The following ZNF469 variants were observed in gnomAD, a reference collection of about 807,000 sequenced individuals.
ZNF469 encodes the protein zinc finger protein 469.
Under a neutral mutation model 1.0 loss-of-function variants are expected in ZNF469, and 1 was observed. The observed-to-expected ratio is 1.00, with a 90% confidence interval of 0.35 to 4.73. The LOEUF (loss-of-function observed/expected upper bound fraction) is 4.73, where lower values mean the gene tolerates loss of function less well. Ranked by LOEUF, ZNF469 falls within the 30% of genes most tolerant of loss-of-function variation. The pLI is 0.16. For missense variants in ZNF469, 6,100 were observed against 5,356.3 expected (o/e 1.14, Z -4.33); for synonymous variants, 2,703 against 2,363.4 (o/e 1.14, Z -4.17).
chr16:88,295,136 CGGGCCCCCAGGACG>C, the ZNF469 span, among the ~76,000 whole-genome samples: 36 of 25,204 alleles, frequency 1.4e-3, 2 homozygotes, highest in African/African-American at 5.7e-3. Flanking sequence ...GACGTCATCT[CGGGCCCCCAGGACG>C]TGGCAGGGCT....
At chr16:88,230,980 A>G in the ZNF469 span, among the ~76,000 whole-genome samples, 1 of 152,206 alleles carries the variant, frequency 6.6e-6, no homozygotes, top group Admixed American at 6.5e-5. Flanking sequence ...GGGACCCAGG[A>G]CACACGGCTG....
At chr16:88,247,604 GTGAGTGAATGTTTGATTGAA>G in the ZNF469 span, among the ~76,000 whole-genome samples, 1 of 139,054 alleles carries the variant, frequency 7.2e-6, no homozygotes, top group Non-Finnish European at 1.5e-5. Flanking sequence ...GAACGAGTGA[GTGAGTGAATGTTTGATTGAA>G]TGAGTGAGAG....
At chr16:88,196,216 G>A in the ZNF469 span, among the ~76,000 whole-genome samples, 1 of 152,178 alleles carries the variant, frequency 6.6e-6, no homozygotes, top group Non-Finnish European at 1.5e-5. Flanking sequence ...TACCTGTCGG[G>A]ACAGCATCTA....
chr16:88,367,056 T>A, the ZNF469 span, among the ~76,000 whole-genome samples: 1 of 152,206 alleles, frequency 6.6e-6, no homozygotes, highest in African/African-American at 2.4e-5. Flanking sequence ...ATCACCATCA[T>A]CATCTTCACT....
chr16:88,288,613 C>T, the ZNF469 span, among the ~76,000 whole-genome samples: 1 of 152,178 alleles, frequency 6.6e-6, no homozygotes, highest in African/African-American at 2.4e-5. Flanking sequence ...CAAAAACAAG[C>T]TCTTCTGCCA....
chr16:88,160,871 G>A, the ZNF469 span, among the ~76,000 whole-genome samples: 2 of 152,206 alleles, frequency 1.3e-5, no homozygotes, highest in African/African-American at 2.4e-5. Flanking sequence ...GGCCAGGTGC[G>A]ATGGCTCACA....
the ZNF469 span, among the ~76,000 whole-genome samples, chr16:88,128,329 G>A: frequency 6.6e-6 from 1 of 152,164 alleles, no homozygotes. Flanking sequence ...CCTCTCCAAG[G>A]ATGGCGTCTC....
the ZNF469 span, among the ~76,000 whole-genome samples, chr16:88,152,504 C>T: frequency 1.2e-4 from 18 of 152,184 alleles, no homozygotes; most frequent in African/African-American, 3.4e-4. The surrounding 1 kb of genome is among the most constrained non-coding windows in gnomAD (Gnocchi z 4.2). Context: ...GTCTGCTTGG[C>T]GCGCTGGATG....
Position 88,429,290 on chromosome 16 carries a change from C to G in ZNF469, c.1820C>G (p.Ser607Cys). The change falls in exon 3 of 3, where the codon TCC becomes TGC. Residue 607 changes from serine (S) to cysteine (C), a missense_variant. Transcript: ENST00000565624. ...ATNTAGSTCS[S>C]LSPMSSSPAN... ...AACACGGCCGGCAGCACCTGCTCTT[C>G]CCTGTCGCCGATGTCCAGCAGCCCA... The G allele has an allele frequency of 1.3e-6, 2 of 1,549,946 alleles. No individual in the cohort carries two copies. The highest frequency in any genetic ancestry group is 1.7e-6 in the Non-Finnish European group (2 of 1,146,846).
chr16:88,303,454 C>T, the ZNF469 span, among the ~76,000 whole-genome samples: 1 of 152,140 alleles, frequency 6.6e-6, no homozygotes, highest in Non-Finnish European at 1.5e-5. Context: ...AGCCCCTCAG[C>T]CCCTCCAAGG....
In ZNF469 at chr16:88,433,900, G is replaced by A. The variant is rs1906378638; in HGVS notation, c.6430G>A (p.Gly2144Ser). The A allele has an allele frequency of 1.9e-6, 3 of 1,549,164 alleles. No individual in the cohort carries two copies. Among genetic ancestry groups the A allele is most frequent in the Middle Eastern group, 1.7e-4 (1 of 5,990 alleles). The change falls in exon 3 of 3, where the codon GGT becomes AGT. Residue 2144 changes from glycine to serine, a missense_variant. Physicochemically the swap from Gly to Ser is moderately conservative, Grantham distance 56. Transcript: ENST00000565624. The stretch of plus-strand genomic sequence containing the variant: ...ACTTACCTCGCCTTCCAGGGCCCAA[G>A]GTGGGCTGGGGGGGCAGCTGCCAGC... ...DPLTSPSRAQ[G>S]GLGGQLPASP...
At chr16:88,290,600 C>T in the ZNF469 span, among the ~76,000 whole-genome samples, 1 of 152,188 alleles carries the variant, frequency 6.6e-6, no homozygotes, top group Non-Finnish European at 1.5e-5. Flanking sequence ...AGAGTCTGAA[C>T]AATCCTAGTA....
chr16:88,305,309 T>G, the ZNF469 span, among the ~76,000 whole-genome samples: 1 of 44,064 alleles, frequency 2.3e-5, no homozygotes, highest in African/African-American at 6.6e-5. Flanking sequence ...CACCCTCACA[T>G]GCACACACAC....
At chr16:88,357,837 C>T in the ZNF469 span, among the ~76,000 whole-genome samples, 1 of 152,214 alleles carries the variant, frequency 6.6e-6, no homozygotes. Context: ...TGACTCAGGC[C>T]GCCAGGTGTA....
chr16:88,360,595 C>A, the ZNF469 span, among the ~76,000 whole-genome samples: 1 of 117,128 alleles, frequency 8.5e-6, no homozygotes, highest in Non-Finnish European at 1.7e-5. Context: ...GGCAGTCCAC[C>A]CCCAGACAGC....
chr16:88,367,682 A>G, the ZNF469 span, among the ~76,000 whole-genome samples: 19 of 152,200 alleles, frequency 1.2e-4, no homozygotes, highest in Admixed American at 1.1e-3. Flanking sequence ...AGTGACCTCC[A>G]TTATGCACCA....
the ZNF469 span, among the ~76,000 whole-genome samples, chr16:88,129,750 C>G: frequency 6.6e-6 from 1 of 152,326 alleles, no homozygotes; most frequent in East Asian, 1.9e-4. Context: ...GTCTCAGCTA[C>G]TCAGGAGGGC....
the ZNF469 span, among the ~76,000 whole-genome samples, chr16:88,335,893 G>A: frequency 2.0e-5 from 3 of 151,854 alleles, no homozygotes; most frequent in Non-Finnish European, 2.9e-5. Flanking sequence ...TCCTTCACGT[G>A]AGGCACTAAC....
the ZNF469 span, among the ~76,000 whole-genome samples, chr16:88,170,218 C>G: frequency 6.6e-6 from 1 of 152,164 alleles, no homozygotes; most frequent in Non-Finnish European, 1.5e-5. This position sits in a 1 kb window ranked among gnomAD's most constrained non-coding sequence, Gnocchi z 4.2. Flanking sequence ...CTTTGATGTG[C>G]GTATACACTG....
Sources: allele counts gnomAD v4.1 joint callset (sites outside exome capture counted in the v4.1 genomes callset), GRCh38; gene constraint gnomAD v4.1.1; non-coding constraint Gnocchi (gnomAD v3.1); transcripts MANE v1.5; gene names NCBI Gene and HGNC (gene_info 2026-07-23, HGNC 2026-07-21).